The following EPB41L2 variants were observed in gnomAD, a reference collection of about 807,000 sequenced individuals.
EPB41L2 encodes the protein band 4.1-like protein 2.
EPB41L2 carries 43 observed loss-of-function variants against 113.0 expected under a neutral mutation model. That is an observed-to-expected ratio of 0.38 (90% CI 0.30 to 0.49). The LOEUF is 0.49. Ranked by LOEUF, EPB41L2 falls within the 20% of genes least tolerant of loss-of-function variation. The pLI is 0.95. For missense variants in EPB41L2, 1,147 were observed against 1,223.4 expected, an observed-to-expected ratio of 0.94 and a Z score of 0.93; for synonymous variants, 442 against 436.7, an observed-to-expected ratio of 1.01 and a Z score of -0.15.
intron 4 of EPB41L2, among the ~76,000 whole-genome samples, chr6:130,926,187 T>C (rs1488528354): frequency 6.6e-6 from 1 of 152,228 alleles, no homozygotes; most frequent in East Asian, 1.9e-4. Context: ...CTTTAATACC[T>C]AGCATACAGG....
chr6:130,875,385 C>T (rs747454118), intron 14 of EPB41L2, among the ~76,000 whole-genome samples: 28 of 152,176 alleles, frequency 1.8e-4, no homozygotes, highest in African/African-American at 4.8e-5. Context: ...TGTACAATTC[C>T]AAACTGTTAG....
rs375556880 is a variant in EPB41L2, at chr6:130,933,263, C to T, written c.706-6554G>A. On this transcript the variant is annotated intron_variant, in intron 3 of 19. Coordinates refer to ENST00000337057, the MANE Select transcript of EPB41L2 (RefSeq NM_001431.4). ...CTTACAGTAGAATCTTCATAAAGTACAATCCGAGTCAATCTCTATTCTAAT... is the reference window on the plus strand; with the variant it reads ...CTTACAGTAGAATCTTCATAAAGTATAATCCGAGTCAATCTCTATTCTAAT... 6.9e-4 allele frequency among the ~76,000 whole-genome samples: 105 copies of T among 152,270 alleles called. 1 individual carries two copies. In the South Asian group the frequency reaches 0.021, roughly 30 times the overall value.
rs534872307 is a variant in EPB41L2 at position 131,053,423 on chromosome 6, C to G, written c.-15+9732G>C. On this transcript the variant is annotated intron_variant, in intron 1 of 19. Coordinates refer to ENST00000337057, the MANE Select transcript of EPB41L2 (RefSeq NM_001431.4). ...TTAGGAGACGGGACGAAGGGACGAA[C>G]ATGGAAATGATAAAAAAAAAAAAAA... Among the ~76,000 whole-genome samples the G allele has an allele frequency of 2.4e-3, 179 of 75,664 alleles. 1 individual carries two copies. The highest frequency in any genetic ancestry group is 8.9e-3 in the African/African-American group (167 of 18,736). 49.6% of individuals were successfully genotyped at this position (75,664 alleles called of 152,430 possible). A position where few individuals can be genotyped will look rare whatever the true frequency, so the allele number is the denominator to read the frequency against.
intron 1 of EPB41L2, among the ~76,000 whole-genome samples, chr6:130,993,718 G>GT (rs1267669010): frequency 6.6e-6 from 1 of 152,190 alleles, no homozygotes; most frequent in African/African-American, 2.4e-5. Context: ...GGAACTGGGC[G>GT]TGAGGAGGGA....
At chr6:130,848,600 T>C (rs1454843125) in intron 19 of EPB41L2, among the ~76,000 whole-genome samples, 1 of 152,198 alleles carries the variant, frequency 6.6e-6, no homozygotes, top group Non-Finnish European at 1.5e-5. Flanking sequence ...CAAGTGGGTA[T>C]TGGCTACCAT....
rs866741438 is a variant in EPB41L2 at position 130,844,753 on chromosome 6, T to C, written c.*6-4155A>G. On this transcript the variant is annotated intron_variant, in intron 19 of 19. Coordinates refer to ENST00000337057, the MANE Select transcript of EPB41L2 (RefSeq NM_001431.4). ...AACAGAATTTCCATTGTTTAAATTA[T>C]AAAAATCAGCTGGGCACGGTGGTTC... 1.1e-4 allele frequency among the ~76,000 whole-genome samples: 17 copies of C among 152,134 alleles called. No homozygotes were observed. In the Middle Eastern group the frequency reaches 0.01, roughly 91 times the overall value.
At chr6:130,966,222 C>T (rs1190613189) in intron 1 of EPB41L2, among the ~76,000 whole-genome samples, 1 of 152,164 alleles carries the variant, frequency 6.6e-6, no homozygotes, top group Non-Finnish European at 1.5e-5. Context: ...CACTACAACA[C>T]TGTAAAAGCT....
chr6:130,945,991 T>C (rs1047723945), intron 3 of EPB41L2, among the ~76,000 whole-genome samples: 2 of 152,026 alleles, frequency 1.3e-5, no homozygotes, highest in African/African-American at 4.8e-5. Flanking sequence ...CCAAAGAAGG[T>C]TGGCACATAC....
At chr6:130,888,207 G>GA (rs1274493442) in intron 11 of EPB41L2, among the ~76,000 whole-genome samples, 16 of 152,200 alleles carry the variant, frequency 1.1e-4, no homozygotes, top group African/African-American at 3.9e-4. Context: ...TGCTCTGGGG[G>GA]AAAAAACGGA....
At chr6:131,033,599 G>T (rs1031177563) in intron 1 of EPB41L2, among the ~76,000 whole-genome samples, 17 of 152,186 alleles carry the variant, frequency 1.1e-4, no homozygotes, top group African/African-American at 4.1e-4. Flanking sequence ...ATATCATTCA[G>T]CCTTAAAAAG....
At chr6:131,016,817 GAA>G (rs911328167) in intron 1 of EPB41L2, among the ~76,000 whole-genome samples, 2 of 114,700 alleles carry the variant, frequency 1.7e-5, no homozygotes, top group Non-Finnish European at 1.9e-5. Flanking sequence ...GTCTCTAAAA[GAA>G]AAAAAAAAAG....
intron 1 of EPB41L2, among the ~76,000 whole-genome samples, chr6:131,013,224 A>C (rs887692965): frequency 8.7e-6 from 1 of 114,696 alleles, no homozygotes; most frequent in Admixed American, 8.9e-5. Flanking sequence ...ACACACTTCT[A>C]ATCAGTTAAC....
intron 4 of EPB41L2, among the ~76,000 whole-genome samples, chr6:130,916,696 A>G (rs1562480615): frequency 6.6e-6 from 1 of 152,168 alleles, no homozygotes. Flanking sequence ...CCCTACATCA[A>G]TGCTTCTCAA....
At chr6:130,978,913 G>A (rs1436842870) in intron 1 of EPB41L2, 1 of 152,110 alleles carries the variant, frequency 6.6e-6, no homozygotes, top group Non-Finnish European at 1.5e-5. Flanking sequence ...ATTATAAGTG[G>A]GTAGAAGCAC....
chr6:130,873,764 T>A (rs1786553125), intron 14 of EPB41L2, among the ~76,000 whole-genome samples: 1 of 146,388 alleles, frequency 6.8e-6, no homozygotes, highest in African/African-American at 2.6e-5. Flanking sequence ...CCGCACCCAG[T>A]CACTATTCAG....
chr6:130,858,064 TC>T, intron 19 of EPB41L2, 66 bp downstream of exon 19: 1 of 1,232,228 alleles, frequency 8.1e-7, no homozygotes. Context: ...TCATTTCACA[TC>T]CTTTCACAAG....
chr6:131,039,573 A>G (rs1193159023), intron 1 of EPB41L2, among the ~76,000 whole-genome samples: 1 of 152,204 alleles, frequency 6.6e-6, no homozygotes, highest in Non-Finnish European at 1.5e-5. Flanking sequence ...GCTCTGTAGC[A>G]CTTTCCTATA....
At chr6:130,923,428 T>C (rs931993187) in intron 4 of EPB41L2, among the ~76,000 whole-genome samples, 2 of 152,208 alleles carry the variant, frequency 1.3e-5, no homozygotes, top group African/African-American at 4.8e-5. Flanking sequence ...GATCTGAGCC[T>C]TGTTAACACC....
Position 130,899,509 on chromosome 6 carries a change from A to G in EPB41L2, c.1218T>C (p.Val406=). 1 of 1,613,788 alleles carries G rather than the reference A, an allele frequency of 6.2e-7. No homozygotes were observed. The highest frequency in any genetic ancestry group is 8.5e-7 in the Non-Finnish European group (1 of 1,179,682). The change falls in exon 8 of 20, where the codon GTT becomes GTC. Residue 406 remains valine, a synonymous_variant. Transcript: ENST00000337057. ...ACAGTACCTTGGCATGATGTAGGTCAACACCATACATGGAAAGCCTCTTTG... is the reference window on the plus strand; with the variant it reads ...ACAGTACCTTGGCATGATGTAGGTCGACACCATACATGGAAAGCCTCTTTG... The part of the protein sequence containing the change: ...ENAKRLSMYG[V]DLHHAKDSEG...
Sources: gnomAD v4.1 joint callset for allele counts (sites outside exome capture counted in the v4.1 genomes callset) on GRCh38, gnomAD v4.1.1 for gene constraint, MANE v1.5 for transcripts, NCBI Gene and HGNC (gene_info 2026-07-23, HGNC 2026-07-21) for gene names.